GALNTL6: variants seen among roughly 807,000 people sequenced by gnomAD.
GALNTL6 encodes polypeptide N-acetylgalactosaminyltransferase-like 6.
In GALNTL6, 46 loss-of-function variants were observed where a neutral mutation model predicts 73.7. That is an observed-to-expected ratio of 0.62 (90% CI 0.49 to 0.80). GALNTL6 has a LOEUF of 0.80. Among genes scored for constraint, GALNTL6 ranks in the 30% least tolerant of loss-of-function variants. The probability of loss-of-function intolerance (pLI) is 0.00; values close to 1 mark genes in which losing one functional copy is unlikely to be tolerated. For synonymous variants in GALNTL6, 259 were observed against 263.7 expected (o/e 0.98, Z 0.17); for missense variants, 604 against 755.0 (o/e 0.80, Z 2.34).
In GALNTL6 at chr4:171,915,129, C is replaced by T. The variant is rs150138476; in HGVS notation, c.138+100411C>T. Among the ~76,000 whole-genome samples the T allele has an allele frequency of 1.5e-3, 232 of 152,174 alleles. 1 individual carries two copies. Among genetic ancestry groups the T allele is most frequent in the Admixed American group, 0.01 (153 of 15,264 alleles). On this transcript the variant is annotated intron_variant, in intron 2 of 12. Coordinates refer to ENST00000506823, the MANE Select transcript of GALNTL6 (RefSeq NM_001034845.3). ...AATTGAATTGTTTTAAAATAAATTT[C>T]CTATAAAAATGTATGTTCATATATC... is the stretch of plus-strand genomic sequence containing the variant.
At chr4:172,743,559 AC>A (rs1315681103) in intron 5 of GALNTL6, among the ~76,000 whole-genome samples, 1 of 151,946 alleles carries the variant, frequency 6.6e-6, no homozygotes, top group East Asian at 1.9e-4. Context: ...TTTATCTTCC[AC>A]CCTCATGTGC....
intron 2 of GALNTL6, among the ~76,000 whole-genome samples, chr4:172,206,080 G>A (rs1251746107): frequency 1.3e-5 from 2 of 152,200 alleles, no homozygotes; most frequent in Non-Finnish European, 2.9e-5. Context: ...CTGTATGTAT[G>A]TATGTGTATC....
intron 10 of GALNTL6, among the ~76,000 whole-genome samples, chr4:172,955,539 C>A (rs1389913148): frequency 2.0e-5 from 3 of 152,076 alleles, no homozygotes; most frequent in Non-Finnish European, 4.4e-5. Context: ...AAAAAAAAGA[C>A]TTTCAAAATG....
chr4:172,710,782 A>C (rs565587723), intron 5 of GALNTL6, among the ~76,000 whole-genome samples: 1 of 152,296 alleles, frequency 6.6e-6, no homozygotes, highest in South Asian at 2.1e-4. Flanking sequence ...CTTATATTTT[A>C]TGAAAATGTA....
chr4:172,890,777 C>A (rs1226726119), intron 8 of GALNTL6, among the ~76,000 whole-genome samples: 4 of 152,122 alleles, frequency 2.6e-5, no homozygotes, highest in African/African-American at 4.8e-5. Flanking sequence ...ACCTGTCTAA[C>A]ACTGCCCATG....
intron 5 of GALNTL6, among the ~76,000 whole-genome samples, chr4:172,628,663 G>A (rs1739263915): frequency 2.0e-5 from 3 of 152,014 alleles, no homozygotes; most frequent in Non-Finnish European, 4.4e-5. Context: ...CTGAATATGC[G>A]TATTGTCAGT....
chr4:171,909,806 A>G (rs918753862), intron 2 of GALNTL6, among the ~76,000 whole-genome samples: 3 of 152,134 alleles, frequency 2.0e-5, no homozygotes, highest in Non-Finnish European at 4.4e-5. Flanking sequence ...TGAGTGTATG[A>G]CTGCATTGTA....
intron 2 of GALNTL6, among the ~76,000 whole-genome samples, chr4:171,871,887 G>A (rs1369091101): frequency 6.6e-6 from 1 of 152,190 alleles, no homozygotes; most frequent in Non-Finnish European, 1.5e-5. Context: ...TAAAAGAGTA[G>A]TAGAGAGAAA....
chr4:172,441,904 T>G (rs2111402512), intron 5 of GALNTL6, among the ~76,000 whole-genome samples: 1 of 152,138 alleles, frequency 6.6e-6, no homozygotes, highest in East Asian at 1.9e-4. Context: ...AGAATTGATT[T>G]TTTTTTAAGT....
At chr4:172,727,735 G>A (rs535537632) in intron 5 of GALNTL6, among the ~76,000 whole-genome samples, 6 of 151,864 alleles carry the variant, frequency 4.0e-5, no homozygotes, top group Non-Finnish European at 7.4e-5. Flanking sequence ...GTATTAATAA[G>A]AACAGAAATA....
intron 2 of GALNTL6, among the ~76,000 whole-genome samples, chr4:172,072,202 G>C (rs955720852): frequency 6.6e-6 from 1 of 151,888 alleles, no homozygotes; most frequent in East Asian, 1.9e-4. Context: ...TCTTATTTCT[G>C]CCTAGCTGTT....
intron 2 of GALNTL6, among the ~76,000 whole-genome samples, chr4:172,177,759 G>GTA (rs1195293178): frequency 1.3e-5 from 1 of 75,970 alleles, no homozygotes; most frequent in South Asian, 3.1e-4. Context: ...ATATATGTGT[G>GTA]TATATATATG....
At chr4:172,261,920 T>C (rs1738271544) in intron 3 of GALNTL6, among the ~76,000 whole-genome samples, 1 of 151,240 alleles carries the variant, frequency 6.6e-6, no homozygotes, top group African/African-American at 2.4e-5. Context: ...TAACCTGCTG[T>C]TATGTATTTC....
At chr4:172,801,016 A>G (rs989577701) in intron 5 of GALNTL6, among the ~76,000 whole-genome samples, 1 of 152,160 alleles carries the variant, frequency 6.6e-6, no homozygotes, top group Admixed American at 6.5e-5. Context: ...TTTTTGAAAA[A>G]TATAAAATAC....
chr4:172,018,212 C>T (rs1426423773), intron 2 of GALNTL6, among the ~76,000 whole-genome samples: 1 of 152,040 alleles, frequency 6.6e-6, no homozygotes, highest in Non-Finnish European at 1.5e-5. Flanking sequence ...TACAAGCTTG[C>T]CTTACATTGG....
At chr4:172,392,764 A>G (rs1743709602) in intron 5 of GALNTL6, among the ~76,000 whole-genome samples, 1 of 152,164 alleles carries the variant, frequency 6.6e-6, no homozygotes, top group Non-Finnish European at 1.5e-5. Flanking sequence ...TGCTTAGCTT[A>G]TCGGGTTTTT....
intron 4 of GALNTL6, among the ~76,000 whole-genome samples, chr4:172,335,674 G>C (rs1393996748): frequency 6.6e-6 from 1 of 152,220 alleles, no homozygotes; most frequent in South Asian, 2.1e-4. Context: ...TCAATCTGGG[G>C]AGCTTGTATG....
chr4:171,959,491 T>C (rs183712084), intron 2 of GALNTL6, among the ~76,000 whole-genome samples: 185 of 152,324 alleles, frequency 1.2e-3, no homozygotes, highest in African/African-American at 4.2e-3. Flanking sequence ...TTAGTGAATA[T>C]AACTTCTCTG....
rs536780635 is a variant in GALNTL6 at position 172,404,446 on chromosome 4, G to A, written c.553+55757G>A. ...CTAATTTGAATCTTACTCAATTCTC[G>A]TGTGCCCTGGCTAGAAAATAATTTC... is the stretch of plus-strand genomic sequence containing the variant. On this transcript the variant is annotated intron_variant, in intron 5 of 12. Coordinates refer to ENST00000506823, the MANE Select transcript of GALNTL6 (RefSeq NM_001034845.3). Among the ~76,000 whole-genome samples the A allele has an allele frequency of 1.4e-4, 22 of 152,112 alleles. 1 individual carries two copies. In the East Asian group the frequency reaches 2.3e-3, roughly 16 times the overall value.
Sources: allele counts gnomAD v4.1 joint callset (sites outside exome capture counted in the v4.1 genomes callset), GRCh38; gene constraint gnomAD v4.1.1; transcripts MANE v1.5; gene names NCBI Gene and HGNC (gene_info 2026-07-23, HGNC 2026-07-21).